Variants in DENND1B observed in about 807,000 individuals in gnomAD.
DENND1B encodes DENN domain containing 1B.
In DENND1B, 59 loss-of-function variants were observed where a neutral mutation model predicts 90.1. That is an observed-to-expected ratio of 0.65 (90% CI 0.53 to 0.81). The LOEUF (loss-of-function observed/expected upper bound fraction) is 0.81. Among genes scored for constraint, DENND1B ranks in the 40% least tolerant of loss-of-function variants. The pLI, the probability that DENND1B is intolerant of heterozygous loss-of-function variation, is 0.00. For synonymous variants in DENND1B, 337 were observed against 324.6 expected (o/e 1.04, Z -0.41); for missense variants, 862 against 912.6 (o/e 0.94, Z 0.71).
chr1:197,541,196 T>G (rs956567753), intron 18 of DENND1B, among the ~76,000 whole-genome samples, 181 bp from the exon 19 acceptor site: 1 of 152,210 alleles, frequency 6.6e-6, no homozygotes, highest in Non-Finnish European at 1.5e-5. Flanking sequence ...TTATTACACC[T>G]AAATCAGTTG....
chr1:197,545,652 C>A, intron 18 of DENND1B: 1 of 335,220 alleles, frequency 3.0e-6, no homozygotes, highest in Non-Finnish European at 5.3e-6. Context: ...AAATGGTACC[C>A]CATCAATAAC....
chr1:197,625,232 A>G (rs1388623232), intron 10 of DENND1B, among the ~76,000 whole-genome samples: 2 of 152,096 alleles, frequency 1.3e-5, no homozygotes, highest in Admixed American at 1.3e-4. Context: ...CAAAGTTGAA[A>G]TGAAGGAAAA....
intron 20 of DENND1B, among the ~76,000 whole-genome samples, chr1:197,522,134 A>G (rs2125614914): frequency 6.6e-6 from 1 of 152,228 alleles, no homozygotes; most frequent in Middle Eastern, 3.4e-3. Flanking sequence ...GTTTCAGAAT[A>G]ATAAGAGTGC....
intron 20 of DENND1B, among the ~76,000 whole-genome samples, chr1:197,539,471 T>C (rs1017685448): frequency 6.6e-6 from 1 of 152,182 alleles, no homozygotes; most frequent in Non-Finnish European, 1.5e-5. Flanking sequence ...CTCAGTCACT[T>C]GAAACAATAT....
chr1:197,640,611 A>C (rs1295271413), intron 10 of DENND1B, among the ~76,000 whole-genome samples: 2 of 152,194 alleles, frequency 1.3e-5, no homozygotes, highest in East Asian at 3.8e-4. Context: ...TATGAGATTA[A>C]GGCTACTATT....
intron 15 of DENND1B, among the ~76,000 whole-genome samples, chr1:197,569,096 C>A (rs1043194672): frequency 6.6e-6 from 1 of 151,644 alleles, no homozygotes; most frequent in South Asian, 2.1e-4. Context: ...AAATAAATAA[C>A]CCAATTAAAA....
chr1:197,738,093 C>T (rs1662881682), intron 2 of DENND1B, among the ~76,000 whole-genome samples: 1 of 152,148 alleles, frequency 6.6e-6, no homozygotes, highest in African/African-American at 2.4e-5. Flanking sequence ...ATTTCTCTGA[C>T]ACCTGTTTAT....
At chr1:197,589,808 G>A (rs1286882053) in intron 14 of DENND1B, among the ~76,000 whole-genome samples, 1 of 152,144 alleles carries the variant, frequency 6.6e-6, no homozygotes, top group Admixed American at 6.5e-5. Context: ...AAGGTTCAAG[G>A]CAGCCCAGGA....
At chr1:197,557,450 T>C (rs896839638) in intron 15 of DENND1B, among the ~76,000 whole-genome samples, 1 of 151,884 alleles carries the variant, frequency 6.6e-6, no homozygotes, top group Non-Finnish European at 1.5e-5. Context: ...CCCAAAACTA[T>C]TTACTGATTA....
intron 3 of DENND1B, 115 bp downstream of exon 3, chr1:197,714,916 A>G: frequency 1.3e-6 from 1 of 771,950 alleles, no homozygotes; most frequent in Non-Finnish European, 2.2e-6. Flanking sequence ...ATCAAGAGAA[A>G]ATAATTTTAG....
intron 3 of DENND1B, among the ~76,000 whole-genome samples, chr1:197,683,344 C>T (rs920071592): frequency 4.6e-5 from 7 of 152,036 alleles, no homozygotes; most frequent in African/African-American, 1.2e-4. Flanking sequence ...TATGATTGGA[C>T]TTCAATTTTA....
In DENND1B at chr1:197,628,842, C is replaced by A. The variant is rs1246847607; in HGVS notation, c.673-11083G>T. ...AACAAATTTACAAGAAAAAAACAAA[C>A]AACCCCATCAAAAAGTGGGCGAAGG... On this transcript the variant is annotated intron_variant, in intron 10 of 22. Coordinates refer to ENST00000620048, the MANE Select transcript of DENND1B (RefSeq NM_001195215.2). 8.2e-3 allele frequency among the ~76,000 whole-genome samples: 1,248 copies of A among 151,864 alleles called. 16 individuals carry two copies. Among genetic ancestry groups the A allele is most frequent in the African/African-American group, 0.028 (1,149 of 41,402 alleles).
chr1:197,760,579 T>C (rs901354542), intron 2 of DENND1B, among the ~76,000 whole-genome samples: 8 of 151,182 alleles, frequency 5.3e-5, no homozygotes, highest in Non-Finnish European at 1.2e-4. Flanking sequence ...GAGGTGGAAG[T>C]TGCAGTGAGC....
At chr1:197,530,932 AT>A (rs1265253358) in intron 20 of DENND1B, among the ~76,000 whole-genome samples, 1 of 152,152 alleles carries the variant, frequency 6.6e-6, no homozygotes, top group African/African-American at 2.4e-5. Context: ...CCATATCCTT[AT>A]TTCTAACTAT....
intron 20 of DENND1B, among the ~76,000 whole-genome samples, chr1:197,536,995 C>G (rs4026512): frequency 6.7e-6 from 1 of 150,110 alleles, no homozygotes; most frequent in African/African-American, 2.5e-5. Flanking sequence ...GAGCCGAGAT[C>G]GCACCACTGC....
intron 7 of DENND1B, among the ~76,000 whole-genome samples, chr1:197,651,250 T>C (rs1296720767): frequency 1.3e-5 from 2 of 152,098 alleles, no homozygotes; most frequent in Non-Finnish European, 2.9e-5. Context: ...CTAGCCCATA[T>C]GCCAAAACCA....
chr1:197,658,473 G>A, intron 5 of DENND1B, 104 bp from the exon 6 acceptor site: 2 of 758,636 alleles, frequency 2.6e-6, no homozygotes, highest in East Asian at 2.9e-5. Context: ...TAATCCTGGA[G>A]GTCAAAAAAG....
At chr1:197,613,088 A>G (rs1437407270) in intron 11 of DENND1B, among the ~76,000 whole-genome samples, 7 of 150,740 alleles carry the variant, frequency 4.6e-5, no homozygotes, top group Non-Finnish European at 7.4e-5. Context: ...CAAACAGATA[A>G]TCCTCTTTCT....
intron 10 of DENND1B, among the ~76,000 whole-genome samples, chr1:197,624,694 A>C (rs1310927382): frequency 6.6e-6 from 1 of 151,914 alleles, no homozygotes; most frequent in Non-Finnish European, 1.5e-5. Flanking sequence ...TGAGAGAAGA[A>C]GGCTTCAGAC....
Sources: gnomAD v4.1 joint callset for allele counts (sites outside exome capture counted in the v4.1 genomes callset) on GRCh38, gnomAD v4.1.1 for gene constraint, MANE v1.5 for transcripts, NCBI Gene and HGNC (gene_info 2026-07-23, HGNC 2026-07-21) for gene names.